RALYL: variants seen among roughly 807,000 people sequenced by gnomAD.
RALYL encodes the protein RNA-binding Raly-like protein.
A neutral mutation model predicts 35.1 loss-of-function variants in RALYL; 29 were observed. The observed-to-expected ratio is 0.83, with a 90% CI of 0.61 to 1.13. The LOEUF is 1.13. RALYL is among the 50% of genes most tolerant of loss of function. RALYL has a pLI of 0.00. For synonymous variants in RALYL, 120 were observed against 127.6 expected (o/e 0.94, Z 0.40); for missense variants, 359 against 360.4 (o/e 1.00, Z 0.03).
chr8:84,615,339 G>GA (rs35836998), intron 2 of RALYL, among the ~76,000 whole-genome samples: 54,696 of 139,912 alleles, frequency 0.39, 13,440 homozygotes, highest in African/African-American at 0.72. Context: ...TAAATACATT[G>GA]AAAAAAAAAA....
chr8:84,664,141 T>C (rs1831461099), intron 2 of RALYL, among the ~76,000 whole-genome samples: 1 of 152,146 alleles, frequency 6.6e-6, no homozygotes, highest in Admixed American at 6.6e-5. Context: ...TGTGGACTTA[T>C]TTCTGGGTTC....
chr8:84,459,138 T>C (rs1331014730), intron 1 of RALYL, among the ~76,000 whole-genome samples: 1 of 151,798 alleles, frequency 6.6e-6, no homozygotes, highest in Non-Finnish European at 1.5e-5. Flanking sequence ...CTAGATTGTA[T>C]ATGAAACTAA....
At chr8:84,805,730 G>C (rs899925616) in intron 4 of RALYL, among the ~76,000 whole-genome samples, 1 of 152,120 alleles carries the variant, frequency 6.6e-6, no homozygotes, top group Non-Finnish European at 1.5e-5. Context: ...ATATGTTTTT[G>C]ACATGAGTGC....
At chr8:84,640,637 G>T (rs1332237984) in intron 2 of RALYL, among the ~76,000 whole-genome samples, 1 of 151,640 alleles carries the variant, frequency 6.6e-6, no homozygotes, top group Non-Finnish European at 1.5e-5. Context: ...TTCACATCAG[G>T]CCACAACAAT....
chr8:84,713,090 G>C (rs535552111), intron 2 of RALYL, among the ~76,000 whole-genome samples: 62 of 152,118 alleles, frequency 4.1e-4, no homozygotes, highest in African/African-American at 1.4e-3. Flanking sequence ...TTTCATACTT[G>C]TAGGTCTCAT....
Position 84,671,120 on chromosome 8 carries a change from A to G in RALYL, c.257-103459A>G, listed in dbSNP as rs528111344. Reference sequence around the variant, plus strand: ...GGTCTATAGGCCCTATGCAAGTCCAAAATCCAGCAGGGCAGTCAAATCTTA... The same window carrying G: ...GGTCTATAGGCCCTATGCAAGTCCAGAATCCAGCAGGGCAGTCAAATCTTA... On this transcript the variant is annotated intron_variant, in intron 2 of 8. Transcript: ENST00000521268. Among the ~76,000 whole-genome samples, 9 of 152,318 alleles carry G rather than the reference A, an allele frequency of 5.9e-5. No homozygotes were observed. The East Asian group carries it at 1.5e-3, about 26-fold the overall frequency.
At position 84,848,933 on chromosome 8, in the gene RALYL, C is replaced by T. The variant is rs142992423; in HGVS notation, c.366-1047C>T. On this transcript the variant is annotated intron_variant, in intron 4 of 8. Coordinates refer to ENST00000521268, the MANE Select transcript of RALYL (RefSeq NM_173848.7). ...GTTGGGGAGTGTTGCGAGATGTTGT[C>T]AAAATGACCCCACTTGTGAAATCAG... Among the ~76,000 whole-genome samples, 9 of 152,132 alleles carry T rather than the reference C, an allele frequency of 5.9e-5. No homozygotes were observed. The East Asian group carries it at 1.7e-3, about 29-fold the overall frequency.
chr8:84,806,156 A>C (rs2134028673), intron 4 of RALYL, among the ~76,000 whole-genome samples: 1 of 152,296 alleles, frequency 6.6e-6, no homozygotes, highest in African/African-American at 2.4e-5. Flanking sequence ...CATGGAAATC[A>C]AAATAATTAT....
At chr8:84,345,775 T>A (rs1849727650) in intron 1 of RALYL, among the ~76,000 whole-genome samples, 1 of 152,066 alleles carries the variant, frequency 6.6e-6, no homozygotes, top group African/African-American at 2.4e-5. Flanking sequence ...GTGTTAAATA[T>A]GAGTGAACGA....
chr8:84,392,439 CA>C (rs796345781), intron 1 of RALYL, among the ~76,000 whole-genome samples: 6,288 of 143,816 alleles, frequency 0.044, 424 homozygotes, highest in African/African-American at 0.15. Context: ...GAGTGAAAAA[CA>C]AAAAAAAAAA....
At chr8:84,842,605 C>G (rs774381758) in intron 4 of RALYL, among the ~76,000 whole-genome samples, 3 of 152,132 alleles carry the variant, frequency 2.0e-5, no homozygotes, top group Admixed American at 1.3e-4. Flanking sequence ...GGAATCCTCC[C>G]TAACTAATTT....
rs373041429 is a variant in RALYL, at chr8:84,787,324, G to A, written c.332+12670G>A. Among the ~76,000 whole-genome samples the A allele has an allele frequency of 1.2e-4, 19 of 152,212 alleles. 1 individual carries two copies. In the South Asian group the frequency reaches 1.7e-3, roughly 13 times the overall value. On this transcript the variant is annotated intron_variant, in intron 3 of 8. Coordinates refer to ENST00000521268, the MANE Select transcript of RALYL (RefSeq NM_173848.7). Reference sequence around the variant, plus strand: ...GGTTTCCAGCTTCATCCATGTCCCTGCAAAGGACATGAACTCATCTTTTTT... The same window carrying A: ...GGTTTCCAGCTTCATCCATGTCCCTACAAAGGACATGAACTCATCTTTTTT...
chr8:84,448,918 A>G (rs985988591), intron 1 of RALYL, among the ~76,000 whole-genome samples: 3 of 152,002 alleles, frequency 2.0e-5, no homozygotes, highest in Non-Finnish European at 4.4e-5. Flanking sequence ...AACAAAGCAA[A>G]AAACCGTCAG....
At position 84,631,888 on chromosome 8, in the gene RALYL, A is replaced by T. The variant is rs187760571; in HGVS notation, c.256+102311A>T. Among the ~76,000 whole-genome samples the T allele has an allele frequency of 2.0e-5, 3 of 152,102 alleles. No homozygotes were observed. In the East Asian group the frequency reaches 5.8e-4, roughly 30 times the overall value. On this transcript the variant is annotated intron_variant, in intron 2 of 8. Transcript: ENST00000521268. ...ACTTAAAGGTGAAGACATTTTATTA[A>T]TCTAAATTGGCATTACTTATTTATA... is the stretch of plus-strand genomic sequence containing the variant.
At chr8:84,257,268 G>A (rs1831386539) in intron 1 of RALYL, among the ~76,000 whole-genome samples, 1 of 151,986 alleles carries the variant, frequency 6.6e-6, no homozygotes, top group Non-Finnish European at 1.5e-5. Flanking sequence ...ATTAGAAAAT[G>A]TTCAGGTGGT....
At chr8:84,315,526 G>A (rs73306933) in intron 1 of RALYL, among the ~76,000 whole-genome samples, 7,211 of 152,170 alleles carry the variant, frequency 0.047, 266 homozygotes, top group African/African-American at 0.083. Flanking sequence ...TTGTAGGTTA[G>A]GAAACTTTCA....
At chr8:84,441,293 A>G (rs188127667) in intron 1 of RALYL, among the ~76,000 whole-genome samples, 1 of 152,178 alleles carries the variant, frequency 6.6e-6, no homozygotes, top group Admixed American at 6.6e-5. Context: ...TCAAAAGTAA[A>G]TAAGAAACGG....
chr8:84,183,546 C>T lies in RALYL; in HGVS notation c.-902C>T, dbSNP rs544828927. On this transcript the variant is annotated 5_prime_UTR_variant, in exon 1 of 9. Coordinates refer to ENST00000521268, the MANE Select transcript of RALYL (RefSeq NM_173848.7). The stretch of plus-strand genomic sequence containing the variant: ...CGCCATACTGTATTTTATACTAAAT[C>T]TCATTTTTATTCCAACATTTTACTC... 1 of 152,364 alleles carries T rather than the reference C, an allele frequency of 6.6e-6. No individual in the cohort carries two copies. Among genetic ancestry groups the T allele is most frequent in the South Asian group, 2.1e-4 (1 of 4,828 alleles). The allele number at this position is 152,364 out of a possible 1,614,324, so 9.4% of individuals were successfully genotyped here. A position where few individuals can be genotyped will look rare whatever the true frequency, so the allele number is the denominator to read the frequency against.
intron 1 of RALYL, among the ~76,000 whole-genome samples, chr8:84,215,052 C>T (rs1240075772): frequency 6.6e-6 from 1 of 151,772 alleles, no homozygotes; most frequent in Non-Finnish European, 1.5e-5. Flanking sequence ...ACTACAGGCA[C>T]CCGCCACTGT....
Sources: allele counts gnomAD v4.1 joint callset (sites outside exome capture counted in the v4.1 genomes callset), GRCh38; gene constraint gnomAD v4.1.1; transcripts MANE v1.5; gene names NCBI Gene and HGNC (gene_info 2026-07-23, HGNC 2026-07-21).